The following ARHGAP32 variants were observed in gnomAD, a reference collection of about 807,000 sequenced individuals.
ARHGAP32 encodes the protein Rho GTPase activating protein 32.
Under a neutral mutation model 186.5 loss-of-function variants are expected in ARHGAP32, and 51 were observed. That is an observed-to-expected ratio of 0.27 (90% CI 0.22 to 0.35). ARHGAP32 has a LOEUF of 0.35. Among genes scored for constraint, ARHGAP32 ranks in the 10% least tolerant of loss-of-function variants. The pLI, the probability that ARHGAP32 is intolerant of heterozygous loss-of-function variation, is 1.00. For missense variants in ARHGAP32, 2,186 were observed against 2,623.5 expected (o/e 0.83, Z 3.64); for synonymous variants, 950 against 964.3 (o/e 0.99, Z 0.27).
intron 1 of ARHGAP32, among the ~76,000 whole-genome samples, chr11:129,200,072 T>C (rs557678677): frequency 6.6e-6 from 1 of 152,298 alleles, no homozygotes; most frequent in East Asian, 1.9e-4. Flanking sequence ...TTTTTCCCAT[T>C]TGGAACAGCT....
chr11:129,212,066 G>A (rs1944588203), intron 1 of ARHGAP32, among the ~76,000 whole-genome samples: 1 of 152,064 alleles, frequency 6.6e-6, no homozygotes, highest in African/African-American at 2.4e-5. Flanking sequence ...GAGGTGGAAG[G>A]ATTGCTTGTG....
chr11:129,018,416 G>A (rs1001092156), intron 11 of ARHGAP32, among the ~76,000 whole-genome samples: 1 of 152,088 alleles, frequency 6.6e-6, no homozygotes, highest in African/African-American at 2.4e-5. Flanking sequence ...AAATGACATC[G>A]ATTTACAGTT....
chr11:128,980,673 G>C lies in ARHGAP32; in HGVS notation c.1856C>G (p.Ala619Gly), dbSNP rs368349929. ...AGAATTGACCTGAGCTTGTGTTCGT[G>C]CCTGGGCCTCTTCCAATGTCAGCAG... Reference protein sequence around the residue: ...TKLLTLEEAQARTQAQVNSPI... With the variant: ...TKLLTLEEAQGRTQAQVNSPI... The change falls in exon 18 of 23, where the codon GCA becomes GGA. Residue 619 changes from alanine (A) to glycine (G), a missense_variant. Around this residue, in one of 5 missense-constraint regions of ARHGAP32, gnomAD observed 263 missense variants for 323.5 expected, o/e 0.81. Transcript: ENST00000682385. The C allele has an allele frequency of 1.9e-6, 3 of 1,613,812 alleles. No individual in the cohort carries two copies. Among genetic ancestry groups the C allele is most frequent in the Non-Finnish European group, 8.5e-7 (1 of 1,179,886 alleles).
chr11:129,244,482 TAATGTACG>T (rs1420279666), intron 1 of ARHGAP32, among the ~76,000 whole-genome samples: 2 of 152,210 alleles, frequency 1.3e-5, no homozygotes, highest in African/African-American at 2.4e-5. Context: ...AAGCTATCAA[TAATGTACG>T]AAGGTAGAAG....
rs773083266 is a variant in ARHGAP32, at chr11:128,973,079, C to G, written c.3427G>C (p.Asp1143His). ...HPLPETTATG[D>H]PTHSNTTESG... ...TCAGTTGTGTTGGAATGGGTAGGAT[C>G]CCCAGTAGCTGTTGTCTCTGGTAGA... The change falls in exon 22 of 23, where the codon GAT (aspartate) becomes CAT (histidine). Residue 1143 changes from aspartate to histidine, a missense_variant. Transcript: ENST00000682385. 7 of 1,614,118 alleles carry G rather than the reference C, an allele frequency of 4.3e-6. No homozygotes were observed. In the Admixed American group the frequency reaches 1.2e-4, roughly 27 times the overall value.
Position 129,123,638 on chromosome 11 carries a change from C to CTTACATCTT in ARHGAP32, c.360-109_360-108insAAGATGTAA. On this transcript the variant is annotated intron_variant, in intron 4 of 22. Coordinates refer to ENST00000682385, the MANE Select transcript of ARHGAP32 (RefSeq NM_001378024.1). The surrounding 1 kb of genome is among the most constrained non-coding windows in gnomAD (Gnocchi z 4.6). ...AGAGCTCATGCAAGCAAAAATATTT[C>CTTACATCTT]GTAAGCACATGCGCATGAGCCACAC... 1 of 993,528 alleles carries CTTACATCTT rather than the reference C, an allele frequency of 1.0e-6. No individual in the cohort carries two copies. The highest frequency in any genetic ancestry group is 1.5e-6 in the Non-Finnish European group (1 of 652,430). The allele number at this position is 993,528 out of a possible 1,614,324, so 61.5% of individuals were successfully genotyped here.
rs560986197 is a variant in ARHGAP32 at position 129,077,669 on chromosome 11, C to T, written c.532-10801G>A. Among the ~76,000 whole-genome samples the T allele has an allele frequency of 3.9e-3, 597 of 152,262 alleles. 2 individuals carry two copies. The highest frequency in any genetic ancestry group is 0.014 in the African/African-American group (566 of 41,546). On this transcript the variant is annotated intron_variant, in intron 6 of 22. Coordinates refer to ENST00000682385, the MANE Select transcript of ARHGAP32 (RefSeq NM_001378024.1). ...CTCACCCAAGCTCAGATCCGCCTAACGCTACCCCCACCTGATGGTCTTTCT... is the reference window on the plus strand; with the variant it reads ...CTCACCCAAGCTCAGATCCGCCTAATGCTACCCCCACCTGATGGTCTTTCT...
At position 129,157,286 on chromosome 11, in the gene ARHGAP32, T is replaced by A. The variant is rs188300579; in HGVS notation, c.225+7033A>T. Among the ~76,000 whole-genome samples the A allele has an allele frequency of 2.1e-3, 316 of 152,044 alleles. 1 individual carries two copies. The highest frequency in any genetic ancestry group is 4.6e-3 in the South Asian group (22 of 4,816). ...TGGGTAATAACAAACTCCTCCAGGC[T>A]AAAGGAGCATGTTGTAACCCAATGC... On this transcript the variant is annotated intron_variant, in intron 2 of 22. Coordinates refer to ENST00000682385, the MANE Select transcript of ARHGAP32 (RefSeq NM_001378024.1).
intron 1 of ARHGAP32, among the ~76,000 whole-genome samples, chr11:129,276,501 C>T (rs1047638093): frequency 6.6e-6 from 1 of 152,126 alleles, no homozygotes; most frequent in African/African-American, 2.4e-5. Flanking sequence ...AAGACTGGGC[C>T]TCTCTATGCT....
chr11:129,004,724 T>C (rs1429304940), intron 11 of ARHGAP32, among the ~76,000 whole-genome samples: 1 of 152,184 alleles, frequency 6.6e-6, no homozygotes, highest in East Asian at 1.9e-4. Flanking sequence ...ATGGAATATC[T>C]TTTTCCATCC....
chr11:129,087,584 T>C (rs1175016429), intron 6 of ARHGAP32, among the ~76,000 whole-genome samples: 2 of 152,150 alleles, frequency 1.3e-5, no homozygotes, highest in African/African-American at 4.8e-5. Flanking sequence ...TGTCAGGGGT[T>C]AGAGAAAAGG....
chr11:129,107,130 T>G (rs1187786129), intron 5 of ARHGAP32, among the ~76,000 whole-genome samples: 2 of 152,156 alleles, frequency 1.3e-5, no homozygotes, highest in East Asian at 3.9e-4. Context: ...GCTGAAATGT[T>G]GAGGCCAAAA....
chr11:129,201,444 G>A (rs1288837851), intron 1 of ARHGAP32, among the ~76,000 whole-genome samples: 2 of 151,816 alleles, frequency 1.3e-5, no homozygotes, highest in Admixed American at 1.3e-4. Context: ...TACTATAACG[G>A]TATACCTAAC....
chr11:129,206,423 G>A (rs954364112), intron 1 of ARHGAP32, among the ~76,000 whole-genome samples: 2 of 152,044 alleles, frequency 1.3e-5, no homozygotes, highest in Non-Finnish European at 2.9e-5. Context: ...TGTTGTCCCG[G>A]CTGGTCTCAA....
At position 128,965,336 on chromosome 11, in the gene ARHGAP32, A is replaced by G. The variant is rs548310139; in HGVS notation, c.*3571T>C. ...AAAAATACACAAGCTTATATGCATTAACAATTTACACCAGTTCACAAAAAT... is the reference window on the plus strand; with the variant it reads ...AAAAATACACAAGCTTATATGCATTGACAATTTACACCAGTTCACAAAAAT... On this transcript the variant is annotated 3_prime_UTR_variant, in exon 23 of 23. Transcript: ENST00000682385. 4 of 152,312 alleles carry G rather than the reference A, an allele frequency of 2.6e-5. No homozygotes were observed. Among genetic ancestry groups the G allele is most frequent in the Non-Finnish European group, 2.9e-5 (2 of 68,018 alleles). The allele number at this position is 152,312 out of a possible 1,614,324, so 9.4% of individuals were successfully genotyped here. A position where few individuals can be genotyped will look rare whatever the true frequency, so the allele number is the denominator to read the frequency against.
chr11:129,113,061 C>G (rs1280703291), intron 5 of ARHGAP32, among the ~76,000 whole-genome samples: 1 of 151,992 alleles, frequency 6.6e-6, no homozygotes, highest in Non-Finnish European at 1.5e-5. Flanking sequence ...AGCAATTTAC[C>G]TCTTATTACA....
At chr11:129,202,194 T>C (rs1024210868) in intron 1 of ARHGAP32, among the ~76,000 whole-genome samples, 19 of 152,166 alleles carry the variant, frequency 1.2e-4, no homozygotes, top group African/African-American at 3.9e-4. Context: ...TGATTTTTAC[T>C]TCCTTAAACT....
chr11:129,067,031 A>G (rs995927693), intron 6 of ARHGAP32, among the ~76,000 whole-genome samples, 163 bp from the exon 7 acceptor site: 4 of 152,032 alleles, frequency 2.6e-5, no homozygotes, highest in Non-Finnish European at 4.4e-5. Context: ...AAACACTCTA[A>G]TAAGTTATAT....
chr11:129,140,624 A>T (rs1359557614), intron 2 of ARHGAP32, among the ~76,000 whole-genome samples: 2 of 152,168 alleles, frequency 1.3e-5, no homozygotes, highest in African/African-American at 2.4e-5. Context: ...GAATGCAATG[A>T]CTTCAGTACC....
Sources: gnomAD v4.1 joint callset for allele counts (sites outside exome capture counted in the v4.1 genomes callset) on GRCh38, gnomAD v4.1.1 for gene constraint, gnomAD v4.1.1 regional missense constraint, Gnocchi (gnomAD v3.1) non-coding constraint, MANE v1.5 for transcripts, NCBI Gene and HGNC (gene_info 2026-07-23, HGNC 2026-07-21) for gene names.